The following LIPC variants were observed in gnomAD, a reference collection of about 807,000 sequenced individuals.
LIPC encodes lipase C, hepatic type.
Under a neutral mutation model 50.7 loss-of-function variants are expected in LIPC, and 44 were observed. The ratio of observed to expected loss-of-function variants is 0.87; its 90% CI spans 0.68 to 1.11. LIPC has a LOEUF of 1.11. LIPC is among the 50% of genes most tolerant of loss of function. The probability of loss-of-function intolerance (pLI) is 0.00; values close to 1 mark genes in which losing one functional copy is unlikely to be tolerated. For missense variants in LIPC, 697 were observed against 648.2 expected (o/e 1.08, Z -0.82); for synonymous variants, 271 against 256.4 (o/e 1.06, Z -0.54).
chr15:58,484,689 C>G (rs996795598), intron 1 of LIPC, among the ~76,000 whole-genome samples: 4 of 151,988 alleles, frequency 2.6e-5, no homozygotes, highest in African/African-American at 9.7e-5. Context: ...AGCCCACACA[C>G]TCTGACTCCA....
intron 1 of LIPC, among the ~76,000 whole-genome samples, chr15:58,495,512 T>C (rs1891735137): frequency 6.6e-6 from 1 of 152,226 alleles, no homozygotes. Flanking sequence ...CCAACCACCA[T>C]AGCTAACTCT....
chr15:58,542,073 A>G, intron 3 of LIPC, 106 bp downstream of exon 3: 3 of 1,259,828 alleles, frequency 2.4e-6, no homozygotes, highest in Non-Finnish European at 2.2e-6. Flanking sequence ...CAGGAGAAGC[A>G]CTAATGCTCA....
At chr15:58,528,810 G>C (rs1322643370) in intron 1 of LIPC, among the ~76,000 whole-genome samples, 1 of 152,200 alleles carries the variant, frequency 6.6e-6, no homozygotes, top group African/African-American at 2.4e-5. Flanking sequence ...TGAGTATAAG[G>C]CACCCAATTC....
chr15:58,467,523 G>A (rs1327371020), intron 1 of LIPC, among the ~76,000 whole-genome samples: 1 of 152,152 alleles, frequency 6.6e-6, no homozygotes, highest in African/African-American at 2.4e-5. Flanking sequence ...CAGCTGCAGA[G>A]TTTATGATCC....
intron 1 of LIPC, among the ~76,000 whole-genome samples, chr15:58,512,781 G>A (rs1404925511): frequency 1.3e-5 from 2 of 152,104 alleles, no homozygotes; most frequent in African/African-American, 4.8e-5. Flanking sequence ...CGGGGAAAGG[G>A]GATGGAAGGT....
chr15:58,545,180 G>C (rs1205910939), intron 4 of LIPC, among the ~76,000 whole-genome samples: 1 of 152,042 alleles, frequency 6.6e-6, no homozygotes. Flanking sequence ...AAAGTAGCTT[G>C]AGAGGTACTC....
At chr15:58,451,163 G>A (rs1049073303) in intron 1 of LIPC, among the ~76,000 whole-genome samples, 16 of 152,166 alleles carry the variant, frequency 1.1e-4, no homozygotes, top group Non-Finnish European at 1.9e-4. Flanking sequence ...GGCCCTGACC[G>A]GCACAGGATT....
intron 1 of LIPC, among the ~76,000 whole-genome samples, chr15:58,457,222 G>T (rs1253434025): frequency 6.6e-6 from 1 of 152,224 alleles, no homozygotes. Flanking sequence ...CATTTCTCCT[G>T]TCTCAGCCTC....
At chr15:58,480,256 G>C (rs1486986681) in intron 1 of LIPC, among the ~76,000 whole-genome samples, 3 of 152,116 alleles carry the variant, frequency 2.0e-5, no homozygotes, top group Admixed American at 6.6e-5. Context: ...CCTAAGACAT[G>C]TGTTGTCCAT....
At chr15:58,539,271 A>G (rs1314579114) in intron 2 of LIPC, among the ~76,000 whole-genome samples, 1 of 152,224 alleles carries the variant, frequency 6.6e-6, no homozygotes, top group East Asian at 1.9e-4. Flanking sequence ...ACACAATTCA[A>G]TGGCTTTTGG....
intron 1 of LIPC, among the ~76,000 whole-genome samples, chr15:58,477,384 C>T (rs4775053): frequency 0.14 from 21,319 of 152,142 alleles, 1,537 homozygotes; most frequent in Non-Finnish European, 0.16. Flanking sequence ...AGAATGCCTG[C>T]ATAGCAGTTT....
At chr15:58,533,803 T>C (rs1185535855) in intron 1 of LIPC, among the ~76,000 whole-genome samples, 3 of 152,226 alleles carry the variant, frequency 2.0e-5, no homozygotes, top group Non-Finnish European at 4.4e-5. Flanking sequence ...TTCTAAATAA[T>C]AATATTCTTT....
chr15:58,566,810 AATTATCACTGGTTACTC>A (rs1396181740), intron 8 of LIPC, among the ~76,000 whole-genome samples: 1 of 152,168 alleles, frequency 6.6e-6, no homozygotes, highest in African/African-American at 2.4e-5. Context: ...AAATCAAAGA[AATTATCACTGGTTACTC>A]ATTAGTTTGG....
intron 1 of LIPC, among the ~76,000 whole-genome samples, chr15:58,466,779 C>T (rs1894579241): frequency 6.6e-6 from 1 of 152,222 alleles, no homozygotes; most frequent in Admixed American, 6.5e-5. Flanking sequence ...AGCATTTTAC[C>T]TCCTGCAAAG....
intron 1 of LIPC, among the ~76,000 whole-genome samples, chr15:58,465,362 CTG>C (rs1319989674): frequency 6.6e-6 from 1 of 152,220 alleles, no homozygotes; most frequent in African/African-American, 2.4e-5. Flanking sequence ...TTAACACAGA[CTG>C]TGCTCTTCAA....
At chr15:58,544,616 G>A (rs962102397) in intron 4 of LIPC, among the ~76,000 whole-genome samples, 5 of 151,972 alleles carry the variant, frequency 3.3e-5, no homozygotes, top group African/African-American at 9.7e-5. Context: ...GGTTGGTCTC[G>A]AACTCCTGAC....
intron 1 of LIPC, among the ~76,000 whole-genome samples, chr15:58,520,642 C>G (rs1046184137): frequency 2.0e-5 from 3 of 152,148 alleles, no homozygotes; most frequent in Non-Finnish European, 2.9e-5. Context: ...ATACGGAGGG[C>G]GGGGGCAGCT....
chr15:58,495,779 C>T (rs1303238277), intron 1 of LIPC, among the ~76,000 whole-genome samples: 14 of 152,158 alleles, frequency 9.2e-5, no homozygotes, highest in Non-Finnish European at 1.8e-4. Flanking sequence ...TAATCACAGG[C>T]CCTGTTTATT....
rs566362545 is a variant in LIPC at position 58,520,437 on chromosome 15, C to T, written c.89-17896C>T. On this transcript the variant is annotated intron_variant, in intron 1 of 8. Coordinates refer to ENST00000299022, the MANE Select transcript of LIPC (RefSeq NM_000236.3). ...ACTCATTTCCTGCTCTTAAAGCGCT[C>T]AGCCCTCTCCCCTACACATAAAGCC... Among the ~76,000 whole-genome samples, 55 of 152,264 alleles carry T rather than the reference C, an allele frequency of 3.6e-4. 1 individual carries two copies. Among genetic ancestry groups the T allele is most frequent in the South Asian group, 1.0e-3 (5 of 4,828 alleles).
Sources: gnomAD v4.1 joint callset for allele counts (sites outside exome capture counted in the v4.1 genomes callset) on GRCh38, gnomAD v4.1.1 for gene constraint, MANE v1.5 for transcripts, NCBI Gene and HGNC (gene_info 2026-07-23, HGNC 2026-07-21) for gene names.